HMGB1: variants seen among roughly 807,000 people sequenced by gnomAD.
HMGB1 encodes the protein high mobility group box 1.
For synonymous variants in HMGB1, 81 were observed against 84.0 expected (o/e 0.96, Z 0.19); for missense variants, 79 against 253.5 (o/e 0.31, Z 4.67).
chr13:30,464,638 T>A lies in HMGB1; in HGVS notation c.-14-944A>T. ...GCGCAGGGAGAAGCCCCGCTCGAAA[T>A]GGGGGCTGGCTCCGCCCGCGGCCGC... On this transcript the variant is annotated intron_variant, in intron 1 of 4. Coordinates refer to ENST00000341423, the MANE Select transcript of HMGB1 (RefSeq NM_002128.7). 3 of 983,112 alleles carry A rather than the reference T, an allele frequency of 3.1e-6. No homozygotes were observed. The South Asian group carries it at 1.4e-4, about 46-fold the overall frequency. 60.9% of individuals were successfully genotyped at this position (983,112 alleles called of 1,614,324 possible).
At chr13:30,585,944 T>C (rs1228532636) in intron 1 of HMGB1, among the ~76,000 whole-genome samples, 2 of 152,266 alleles carry the variant, frequency 1.3e-5, no homozygotes, top group South Asian at 2.1e-4. Flanking sequence ...GATCCACTTA[T>C]CTTTAGCCCA....
At chr13:30,604,858 C>T (rs1477192343) in intron 1 of HMGB1, among the ~76,000 whole-genome samples, 1 of 152,116 alleles carries the variant, frequency 6.6e-6, no homozygotes. Context: ...CAGGGTTTCA[C>T]CATGTTAGCC....
At chr13:30,528,304 T>A (rs1888416180) in intron 1 of HMGB1, among the ~76,000 whole-genome samples, 1 of 152,116 alleles carries the variant, frequency 6.6e-6, no homozygotes, top group South Asian at 2.1e-4. Context: ...ACTGGGACCA[T>A]CAGAGGGATG....
intron 1 of HMGB1, among the ~76,000 whole-genome samples, chr13:30,534,667 C>T (rs1044797830): frequency 1.3e-5 from 2 of 150,166 alleles, no homozygotes; most frequent in South Asian, 2.1e-4. Flanking sequence ...CAACCTCCGC[C>T]TCCAGGTTCA....
chr13:30,471,642 A>C (rs1593262468), intron 1 of HMGB1, among the ~76,000 whole-genome samples: 2 of 107,332 alleles, frequency 1.9e-5, no homozygotes, highest in Non-Finnish European at 3.6e-5. Flanking sequence ...GGCATGAGCC[A>C]CCGTGCCCGG....
intron 1 of HMGB1, among the ~76,000 whole-genome samples, chr13:30,613,426 G>C (rs368580058): frequency 1.7e-4 from 26 of 152,298 alleles, no homozygotes; most frequent in African/African-American, 6.3e-4. Flanking sequence ...AAAAACATCA[G>C]CTTAAGAGTA....
chr13:30,550,801 C>T (rs147254529), intron 1 of HMGB1, among the ~76,000 whole-genome samples: 17 of 152,248 alleles, frequency 1.1e-4, no homozygotes, highest in Non-Finnish European at 1.9e-4. Flanking sequence ...CTACTTTGTA[C>T]GTTCTTTAAA....
rs369643288 is a variant in HMGB1 at position 30,605,155 on chromosome 13, C to G, written c.-15+11516G>C. Among the ~76,000 whole-genome samples, 24 of 152,226 alleles carry G rather than the reference C, an allele frequency of 1.6e-4. No individual in the cohort carries two copies. The East Asian group carries it at 1.9e-3, about 12-fold the overall frequency. ...TTTGTTTGGGGCTGTGCAGAAGAGACTGATGGGACCAACGTGCTCAGTTCT... is the reference window on the plus strand; with the variant it reads ...TTTGTTTGGGGCTGTGCAGAAGAGAGTGATGGGACCAACGTGCTCAGTTCT... On this transcript the variant is annotated intron_variant, in intron 1 of 4. Coordinates refer to the HMGB1 transcript ENST00000405805.
intron 1 of HMGB1, among the ~76,000 whole-genome samples, chr13:30,538,451 A>ATTCATTCTTTCT (rs1868555065): frequency 2.2e-5 from 2 of 90,612 alleles, no homozygotes; most frequent in African/African-American, 5.7e-5. Flanking sequence ...AGTACTAGCA[A>ATTCATTCTTTCT]TTCTTTCTTT....
Position 30,459,492 on chromosome 13 carries a change from G to A in HMGB1, c.*1865C>T, listed in dbSNP as rs1329074362. ...ACAGTAGAAACTTCCATCTAAATCAGATTGAGTCATTTGCTCCTCTTAACA... is the reference window on the plus strand; with the variant it reads ...ACAGTAGAAACTTCCATCTAAATCAAATTGAGTCATTTGCTCCTCTTAACA... On this transcript the variant is annotated 3_prime_UTR_variant, in exon 5 of 5. Coordinates refer to ENST00000341423, the MANE Select transcript of HMGB1 (RefSeq NM_002128.7). 6.6e-6 allele frequency: 1 copy of A among 152,088 alleles called. No homozygotes were observed. Among genetic ancestry groups the A allele is most frequent in the Non-Finnish European group, 1.5e-5 (1 of 67,992 alleles). The allele number at this position is 152,088 out of a possible 1,614,324, so 9.4% of individuals were successfully genotyped here.
upstream of HMGB1, among the ~76,000 whole-genome samples, chr13:30,470,105 G>C (rs1886886001): frequency 6.6e-6 from 1 of 151,144 alleles, no homozygotes; most frequent in South Asian, 2.1e-4. Context: ...TGTAGAGGCA[G>C]GGTCTCTCCA....
At chr13:30,505,316 T>C (rs778124560) in intron 1 of HMGB1, among the ~76,000 whole-genome samples, 48 of 152,132 alleles carry the variant, frequency 3.2e-4, no homozygotes, top group South Asian at 1.0e-3. Context: ...GTAGCTGGGA[T>C]TACAGGTGCG....
chr13:30,531,217 G>A (rs955894905), intron 1 of HMGB1, among the ~76,000 whole-genome samples: 2 of 152,128 alleles, frequency 1.3e-5, no homozygotes, highest in African/African-American at 4.8e-5. Flanking sequence ...TGTTTAGGAT[G>A]AGCTTAAATT....
chr13:30,502,247 A>C (rs2137453493), intron 1 of HMGB1, among the ~76,000 whole-genome samples: 1 of 152,336 alleles, frequency 6.6e-6, no homozygotes, highest in South Asian at 2.1e-4. Context: ...ACAAATATTT[A>C]TTGAGCCTCT....
chr13:30,469,371 T>C (rs1328770371), upstream of HMGB1, among the ~76,000 whole-genome samples: 1 of 152,330 alleles, frequency 6.6e-6, no homozygotes, highest in African/African-American at 2.4e-5. Context: ...TAATATTGTG[T>C]ATATTAATTA....
intron 1 of HMGB1, among the ~76,000 whole-genome samples, chr13:30,580,567 A>G (rs1252974719): frequency 6.6e-6 from 1 of 152,226 alleles, no homozygotes; most frequent in Non-Finnish European, 1.5e-5. Context: ...ATATTAATTT[A>G]GCCACAAATA....
At chr13:30,533,395 C>G (rs1888540606) in intron 1 of HMGB1, among the ~76,000 whole-genome samples, 1 of 152,198 alleles carries the variant, frequency 6.6e-6, no homozygotes, top group East Asian at 1.9e-4. Context: ...GACAGAGTCT[C>G]ACTCTGTCAC....
chr13:30,606,237 C>T (rs1429402998), intron 1 of HMGB1, among the ~76,000 whole-genome samples: 2 of 152,122 alleles, frequency 1.3e-5, no homozygotes, highest in Non-Finnish European at 2.9e-5. Flanking sequence ...TTACTCTTGG[C>T]ACAATAGTCT....
At chr13:30,547,126 G>A (rs1434428195) in intron 1 of HMGB1, among the ~76,000 whole-genome samples, 1 of 152,260 alleles carries the variant, frequency 6.6e-6, no homozygotes, top group African/African-American at 2.4e-5. Flanking sequence ...TGGGGAAAAA[G>A]TGTTCTGCTG....
Sources: gnomAD v4.1 joint callset for allele counts (sites outside exome capture counted in the v4.1 genomes callset) on GRCh38, gnomAD v4.1.1 for gene constraint, MANE v1.5 for transcripts, NCBI Gene and HGNC (gene_info 2026-07-23, HGNC 2026-07-21) for gene names.